Variants in C1orf185 observed in about 807,000 individuals in gnomAD.
The protein encoded by C1orf185 is uncharacterized protein C1orf185.
C1orf185 carries 13 observed loss-of-function variants against 16.1 expected under a neutral mutation model. The observed-to-expected ratio is 0.81, with a 90% CI of 0.53 to 1.28. The LOEUF (loss-of-function observed/expected upper bound fraction) is 1.28, where lower values mean the gene tolerates loss of function less well. Ranked by LOEUF, C1orf185 falls within the 50% of genes most tolerant of loss-of-function variation. The pLI, the probability that C1orf185 is intolerant of heterozygous loss-of-function variation, is 0.00. For synonymous variants in C1orf185, 80 were observed against 76.9 expected, an observed-to-expected ratio of 1.04 and a Z score of -0.21; for missense variants, 220 against 225.2, an observed-to-expected ratio of 0.98 and a Z score of 0.15.
At chr1:51,116,022 G>C (rs1431096721) in intron 2 of C1orf185, among the ~76,000 whole-genome samples, 1 of 152,082 alleles carries the variant, frequency 6.6e-6, no homozygotes, top group Non-Finnish European at 1.5e-5. Flanking sequence ...TGAAAGGGAG[G>C]AGCAATTTAG....
At chr1:51,125,035 G>A (rs1323804933) in intron 3 of C1orf185, among the ~76,000 whole-genome samples, 1 of 152,002 alleles carries the variant, frequency 6.6e-6, no homozygotes, top group Non-Finnish European at 1.5e-5. Flanking sequence ...CCTAGCATTG[G>A]AGGAGTAAAA....
At chr1:51,133,828 A>G (rs1257539626) in intron 3 of C1orf185, among the ~76,000 whole-genome samples, 1 of 152,260 alleles carries the variant, frequency 6.6e-6, no homozygotes, top group Non-Finnish European at 1.5e-5. Flanking sequence ...GGCTGGGCAC[A>G]GTTGCTCATG....
intron 1 of C1orf185, among the ~76,000 whole-genome samples, chr1:51,105,638 A>G (rs1646063406): frequency 1.3e-5 from 2 of 152,200 alleles, no homozygotes; most frequent in African/African-American, 2.4e-5. Flanking sequence ...CAGACAATAA[A>G]CCAATAAATA....
chr1:51,116,699 C>T (rs1293643699), intron 2 of C1orf185, among the ~76,000 whole-genome samples: 1 of 152,190 alleles, frequency 6.6e-6, no homozygotes. Flanking sequence ...TAAGGGCTTA[C>T]ATGGTCTACC....
chr1:51,123,061 C>T (rs977041140), intron 3 of C1orf185, among the ~76,000 whole-genome samples: 1 of 152,128 alleles, frequency 6.6e-6, no homozygotes, highest in Non-Finnish European at 1.5e-5. Context: ...CTGGTGAAAG[C>T]CTTCTTTCTG....
intron 1 of C1orf185, among the ~76,000 whole-genome samples, chr1:51,109,761 T>A (rs191189232): frequency 2.3e-3 from 343 of 152,326 alleles, no homozygotes; most frequent in Non-Finnish European, 3.9e-3. Flanking sequence ...TTCTGTTTTT[T>A]ATGCCAATGC....
In C1orf185 at chr1:51,147,690, T is replaced by G; in HGVS notation, c.519T>G (p.Pro173=). The part of the protein sequence containing the change: ...RNSPMPSLGE[P]LMEKVFSYLS... ...CTCCAATGCCTTCTCTCGGGGAACC[T>G]CTAATGGAAAAAGTATTTTCATACC... is the stretch of plus-strand genomic sequence containing the variant. The change falls in exon 5 of 5, where the codon CCT becomes CCG. Residue 173 remains proline (P), a synonymous_variant. Transcript: ENST00000371759. 1 of 1,551,304 alleles carries G rather than the reference T, an allele frequency of 6.4e-7. No individual in the cohort carries two copies. The highest frequency in any genetic ancestry group is 8.7e-7 in the Non-Finnish European group (1 of 1,146,804).
At position 51,126,983 on chromosome 1, in the gene C1orf185, A is replaced by T. The variant is rs547297316; in HGVS notation, c.258+8182A>T. ...AATGTCCCTCAATTGGGGTTTGTTTATTTTTTTTTTCATTATTTATAACTT... is the reference window on the plus strand; with the variant it reads ...AATGTCCCTCAATTGGGGTTTGTTTTTTTTTTTTTTCATTATTTATAACTT... On this transcript the variant is annotated intron_variant, in intron 3 of 4. Coordinates refer to ENST00000371759, the MANE Select transcript of C1orf185 (RefSeq NM_001136508.2). Among the ~76,000 whole-genome samples the T allele has an allele frequency of 1.2e-3, 170 of 147,202 alleles. 1 individual carries two copies. Among genetic ancestry groups the T allele is most frequent in the African/African-American group, 4.1e-3 (164 of 40,042 alleles).
chr1:51,151,638 G>A (rs1474159546), downstream of C1orf185, among the ~76,000 whole-genome samples: 1 of 151,944 alleles, frequency 6.6e-6, no homozygotes, highest in Non-Finnish European at 1.5e-5. Flanking sequence ...GTGATTCCTA[G>A]CCTGGAAATA....
intron 1 of C1orf185, among the ~76,000 whole-genome samples, chr1:51,104,261 CAG>C (rs1209570284): frequency 2.6e-4 from 40 of 152,070 alleles, no homozygotes; most frequent in Admixed American, 2.6e-3. Context: ...GCAAAATAAA[CAG>C]GTAGTTTGTG....
At chr1:51,139,067 T>G (rs894821371) in intron 3 of C1orf185, among the ~76,000 whole-genome samples, 6 of 152,160 alleles carry the variant, frequency 3.9e-5, no homozygotes, top group African/African-American at 1.4e-4. Flanking sequence ...TGTAAATGAA[T>G]GAAATCAGCC....
chr1:51,142,887 CCAAG>C lies in C1orf185; in HGVS notation c.259-2836_259-2833del, dbSNP rs1646374517. On this transcript the variant is annotated intron_variant, in intron 3 of 4. Coordinates refer to ENST00000371759, the MANE Select transcript of C1orf185 (RefSeq NM_001136508.2). ...TCCCAGATTCTCATGCCTCAGCCTCCCAAGTAGCTGGGATTACAGGCATGCACCA... is the reference window on the plus strand; with the variant it reads ...TCCCAGATTCTCATGCCTCAGCCTCCTAGCTGGGATTACAGGCATGCACCA... 2.0e-5 allele frequency among the ~76,000 whole-genome samples: 3 copies of C among 152,080 alleles called. No individual in the cohort carries two copies. In the South Asian group the frequency reaches 6.2e-4, roughly 31 times the overall value.
chr1:51,117,443 T>C (rs1217441085), intron 2 of C1orf185, among the ~76,000 whole-genome samples: 7 of 152,178 alleles, frequency 4.6e-5, no homozygotes, highest in Admixed American at 6.5e-5. Context: ...GATGAATGTG[T>C]AAAATCCACC....
At chr1:51,146,471 AAGTT>A (rs1243249440) in intron 4 of C1orf185, among the ~76,000 whole-genome samples, 4 of 151,960 alleles carry the variant, frequency 2.6e-5, no homozygotes, top group Non-Finnish European at 4.4e-5. Flanking sequence ...AAAAAAAAAA[AAGTT>A]AGTATGTTTG....
intron 3 of C1orf185, among the ~76,000 whole-genome samples, chr1:51,125,021 C>A (rs1192061597): frequency 3.9e-5 from 6 of 151,956 alleles, no homozygotes; most frequent in African/African-American, 1.4e-4. Flanking sequence ...GGGTATAGGC[C>A]CTGCCTAGCA....
intron 1 of C1orf185, among the ~76,000 whole-genome samples, chr1:51,103,859 ATTATC>A (rs1003881906): frequency 4.6e-5 from 7 of 152,192 alleles, no homozygotes; most frequent in Non-Finnish European, 1.0e-4. Context: ...TTCTTATAAT[ATTATC>A]TTATTTATTG....
chr1:51,142,524 A>G (rs550062638), intron 3 of C1orf185, among the ~76,000 whole-genome samples: 1 of 152,342 alleles, frequency 6.6e-6, no homozygotes, highest in East Asian at 1.9e-4. Context: ...GAAGTCATCT[A>G]GAGTTTCCAA....
intron 3 of C1orf185, among the ~76,000 whole-genome samples, chr1:51,125,083 G>GTT (rs759035231): frequency 1.3e-3 from 199 of 152,328 alleles, no homozygotes; most frequent in Non-Finnish European, 2.4e-3. Flanking sequence ...CAACGGGAAG[G>GTT]TGTTTTTGTT....
intron 2 of C1orf185, among the ~76,000 whole-genome samples, chr1:51,115,712 T>A (rs1646152561): frequency 6.6e-6 from 1 of 152,164 alleles, no homozygotes. Flanking sequence ...TATCTTTATG[T>A]CTCTATGAAG....
Sources: gnomAD v4.1 joint callset for allele counts (sites outside exome capture counted in the v4.1 genomes callset) on GRCh38, gnomAD v4.1.1 for gene constraint, MANE v1.5 for transcripts, NCBI Gene and HGNC (gene_info 2026-07-23, HGNC 2026-07-21) for gene names.